Variants in TNPO1 observed in about 807,000 individuals in gnomAD.
TNPO1 encodes the protein transportin-1.
TNPO1 carries 8 observed loss-of-function variants against 119.5 expected under a neutral mutation model. The observed-to-expected ratio is 0.07, with a 90% CI of 0.04 to 0.12. The LOEUF is 0.12. Among genes scored for constraint, TNPO1 ranks in the 10% least tolerant of loss-of-function variants. The pLI is 1.00. For synonymous variants in TNPO1, 362 were observed against 363.0 expected, an observed-to-expected ratio of 1.00 and a Z score of 0.03; for missense variants, 576 against 1,089.8, an observed-to-expected ratio of 0.53 and a Z score of 6.64.
intron 1 of TNPO1, among the ~76,000 whole-genome samples, chr5:72,841,785 TTA>T (rs1744926871): frequency 6.6e-6 from 1 of 152,206 alleles, no homozygotes; most frequent in African/African-American, 2.4e-5. Context: ...CATGAAAGTT[TTA>T]TTAAATAATT....
intron 3 of TNPO1, among the ~76,000 whole-genome samples, chr5:72,853,459 C>G (rs2112269756): frequency 6.6e-6 from 1 of 152,272 alleles, no homozygotes; most frequent in Middle Eastern, 3.4e-3. Flanking sequence ...AAACACACAA[C>G]TTGTTAAGTA....
intron 3 of TNPO1, among the ~76,000 whole-genome samples, chr5:72,854,355 G>A (rs1438526905): frequency 6.6e-6 from 1 of 152,212 alleles, no homozygotes; most frequent in African/African-American, 2.4e-5. Flanking sequence ...CAGAGAAACT[G>A]CTCTTTTTGC....
At chr5:72,880,536 TG>T (rs1203958661) in intron 9 of TNPO1, among the ~76,000 whole-genome samples, 1 of 152,168 alleles carries the variant, frequency 6.6e-6, no homozygotes, top group Non-Finnish European at 1.5e-5. Flanking sequence ...CATTTTTGAC[TG>T]GGTGCAGTGG....
At chr5:72,832,085 A>T (rs1466039895) in intron 1 of TNPO1, among the ~76,000 whole-genome samples, 1 of 151,958 alleles carries the variant, frequency 6.6e-6, no homozygotes, top group East Asian at 1.9e-4. Context: ...TGTATTTAGG[A>T]TTCTTAGGAT....
intron 4 of TNPO1, among the ~76,000 whole-genome samples, chr5:72,858,294 A>G (rs1003748064): frequency 5.9e-5 from 9 of 152,318 alleles, no homozygotes; most frequent in African/African-American, 2.2e-4. Context: ...GGATACATTT[A>G]GTTCATTATA....
chr5:72,829,369 G>A (rs190747674), intron 1 of TNPO1, among the ~76,000 whole-genome samples: 5 of 152,324 alleles, frequency 3.3e-5, no homozygotes, highest in Admixed American at 6.5e-5. Context: ...ACCAAAGATT[G>A]TTCCTGCTAT....
At chr5:72,858,987 A>G (rs1034386970) in intron 4 of TNPO1, among the ~76,000 whole-genome samples, 8 of 149,714 alleles carry the variant, frequency 5.3e-5, no homozygotes, top group African/African-American at 2.0e-4. Context: ...CAAATTGCCT[A>G]ATCTTAGTTT....
intron 3 of TNPO1, among the ~76,000 whole-genome samples, chr5:72,851,525 C>T: frequency 6.6e-6 from 1 of 152,178 alleles, no homozygotes; most frequent in African/African-American, 2.4e-5. Context: ...CAGAGTCTCA[C>T]TCTATCACCC....
chr5:72,879,962 C>T (rs540382456), intron 9 of TNPO1, among the ~76,000 whole-genome samples: 8 of 152,162 alleles, frequency 5.3e-5, no homozygotes, highest in African/African-American at 1.4e-4. Flanking sequence ...CTGAGGCAGG[C>T]AGATCGCTTG....
chr5:72,908,332 A>C (rs1750320220), intron 24 of TNPO1, among the ~76,000 whole-genome samples: 1 of 152,192 alleles, frequency 6.6e-6, no homozygotes, highest in African/African-American at 2.4e-5. Context: ...TTTATTTTTA[A>C]GAAAGTAAGG....
chr5:72,906,275 CTTTTTTTTTTTTTTTT>C (rs869051297), intron 24 of TNPO1, among the ~76,000 whole-genome samples: 39 of 54,698 alleles, frequency 7.1e-4, no homozygotes, highest in South Asian at 1.5e-3. Context: ...TTTTTTTTTT[CTTTTTTTTTTTTTTTT>C]TTTTTTTTTT....
rs1165684538 is a variant in TNPO1, at chr5:72,871,620, A to G, written c.597-1019A>G. On this transcript the variant is annotated intron_variant, in intron 6 of 24. Coordinates refer to ENST00000337273, the MANE Select transcript of TNPO1 (RefSeq NM_002270.4). ...ATACTTTATGTAAATGGCTGTCTGT[A>G]AAGGAAACGTTTGTGCAAAGACTGA... 3 of 152,264 alleles carry G rather than the reference A, an allele frequency of 2.0e-5. No homozygotes were observed. In the East Asian group the frequency reaches 5.8e-4, roughly 29 times the overall value. 9.4% of individuals were successfully genotyped at this position (152,264 alleles called of 1,614,324 possible). A position where few individuals can be genotyped will look rare whatever the true frequency, so the allele number is the denominator to read the frequency against.
In TNPO1 at chr5:72,903,792, T is replaced by C. The variant is rs1579943465; in HGVS notation, c.2589+9T>C. 3 of 1,548,264 alleles carry C rather than the reference T, an allele frequency of 1.9e-6. No individual in the cohort carries two copies. Among genetic ancestry groups the C allele is most frequent in the Non-Finnish European group, 2.7e-6 (3 of 1,127,938 alleles). On this transcript the variant is annotated intron_variant, in intron 23 of 24. Coordinates refer to ENST00000337273, the MANE Select transcript of TNPO1 (RefSeq NM_002270.4). The stretch of plus-strand genomic sequence containing the variant: ...GAGACATGTTCTGTAAGGTAACTAA[T>C]AAGTCTTTATAATGCATCATCTTGA...
intron 22 of TNPO1, among the ~76,000 whole-genome samples, chr5:72,902,851 G>T (rs547353758): frequency 6.6e-6 from 1 of 152,002 alleles, no homozygotes; most frequent in Non-Finnish European, 1.5e-5. Flanking sequence ...ATCAGATTTG[G>T]TATTTGGAAG....
chr5:72,886,990 A>G, intron 11 of TNPO1, 80 bp from the exon 12 acceptor site: 1 of 1,291,284 alleles, frequency 7.7e-7, no homozygotes, highest in Non-Finnish European at 1.0e-6. Flanking sequence ...AGAGATACGA[A>G]TAAAATGTTA....
chr5:72,898,033 T>G (rs1401523281), intron 20 of TNPO1, among the ~76,000 whole-genome samples: 1 of 152,150 alleles, frequency 6.6e-6, no homozygotes, highest in African/African-American at 2.4e-5. Context: ...ATCTTTTAAT[T>G]ATGAAGCAGT....
chr5:72,850,349 AC>A (rs1423832025), intron 2 of TNPO1, among the ~76,000 whole-genome samples: 3 of 152,236 alleles, frequency 2.0e-5, no homozygotes, highest in African/African-American at 7.2e-5. Flanking sequence ...GAAAGTAGTT[AC>A]ACCTTGCAGT....
intron 1 of TNPO1, among the ~76,000 whole-genome samples, chr5:72,832,194 C>G (rs1278912045): frequency 6.6e-6 from 1 of 152,086 alleles, no homozygotes; most frequent in East Asian, 1.9e-4. Context: ...ACTAGTTTTA[C>G]ACTACCATCA....
At chr5:72,861,679 C>T (rs931033780) in intron 4 of TNPO1, 129 bp from the exon 5 acceptor site, 1 of 646,962 alleles carries the variant, frequency 1.5e-6, no homozygotes, top group Non-Finnish European at 2.7e-6. Context: ...GCTGGGATTA[C>T]AGCATGAGCC....
Sources: allele counts gnomAD v4.1 joint callset (sites outside exome capture counted in the v4.1 genomes callset), GRCh38; gene constraint gnomAD v4.1.1; transcripts MANE v1.5; gene names NCBI Gene and HGNC (gene_info 2026-07-23, HGNC 2026-07-21).